COL26A1: variants seen among roughly 807,000 people sequenced by gnomAD.
The protein encoded by COL26A1 is collagen type XXVI alpha 1 chain.
Under a neutral mutation model 59.3 loss-of-function variants are expected in COL26A1, and 41 were observed. The ratio of observed to expected loss-of-function variants is 0.69; its 90% CI spans 0.54 to 0.90. The LOEUF (loss-of-function observed/expected upper bound fraction) is 0.90, where lower values mean the gene tolerates loss of function less well. COL26A1 is among the 40% of genes least tolerant of loss of function. The probability of loss-of-function intolerance (pLI) is 0.00; values close to 1 mark genes in which losing one functional copy is unlikely to be tolerated. For missense variants in COL26A1, 612 were observed against 602.3 expected, an observed-to-expected ratio of 1.02 and a Z score of -0.17; for synonymous variants, 266 against 256.0, an observed-to-expected ratio of 1.04 and a Z score of -0.37.
chr7:101,483,120 G>A (rs1323736327), intron 3 of COL26A1, among the ~76,000 whole-genome samples: 1 of 152,072 alleles, frequency 6.6e-6, no homozygotes, highest in African/African-American at 2.4e-5. Flanking sequence ...AAGGGAGCAG[G>A]GAAATGTAGG....
chr7:101,483,990 A>AGTGTGTGTGTGTGT (rs55863250), intron 3 of COL26A1, among the ~76,000 whole-genome samples: 1,853 of 127,956 alleles, frequency 0.014, 34 homozygotes, highest in African/African-American at 0.023. Context: ...AACTTTTTAA[A>AGTGTGTGTGTGTGT]GTGTGTGTGT....
chr7:101,375,758 T>C (rs13229821), intron 1 of COL26A1, among the ~76,000 whole-genome samples: 87,850 of 151,124 alleles, frequency 0.58, 27,044 homozygotes, highest in African/African-American at 0.8. Context: ...GAGGCTGAGG[T>C]GGGCAGATCA....
chr7:101,457,363 A>G (rs1473343348), intron 3 of COL26A1, among the ~76,000 whole-genome samples: 1 of 152,222 alleles, frequency 6.6e-6, no homozygotes, highest in Non-Finnish European at 1.5e-5. Context: ...TGTGTCATAA[A>G]GGATTATAGA....
At chr7:101,362,481 G>A (rs1169845830), upstream of COL26A1, among the ~76,000 whole-genome samples, 1 of 152,188 alleles carries the variant, frequency 6.6e-6, no homozygotes. Context: ...CCCTGCACAA[G>A]GATCGGAAGA....
chr7:101,372,947 A>G (rs1473861528), intron 1 of COL26A1, among the ~76,000 whole-genome samples: 2 of 152,178 alleles, frequency 1.3e-5, no homozygotes, highest in African/African-American at 4.8e-5. Flanking sequence ...GTGAACTATG[A>G]TCGTGCCACT....
chr7:101,396,046 C>T (rs971505938), intron 1 of COL26A1, among the ~76,000 whole-genome samples: 1 of 152,022 alleles, frequency 6.6e-6, no homozygotes, highest in African/African-American at 2.4e-5. Context: ...TTGCTTGAGC[C>T]CAGGAGTTTG....
intron 3 of COL26A1, among the ~76,000 whole-genome samples, chr7:101,474,422 C>A (rs1018523344): frequency 1.6e-4 from 18 of 114,548 alleles, no homozygotes; most frequent in Non-Finnish European, 2.4e-4. Flanking sequence ...TATAGCAAGA[C>A]CCCATCTCTA....
intron 1 of COL26A1, among the ~76,000 whole-genome samples, chr7:101,413,723 A>G (rs1183426077): frequency 6.6e-6 from 1 of 152,116 alleles, no homozygotes; most frequent in Non-Finnish European, 1.5e-5. Flanking sequence ...ATGCCCAGAG[A>G]TAATGCCAGT....
chr7:101,465,100 C>G (rs73398914), intron 3 of COL26A1, among the ~76,000 whole-genome samples: 1 of 143,616 alleles, frequency 7.0e-6, no homozygotes, highest in Non-Finnish European at 1.5e-5. Context: ...TGTGGTAGTG[C>G]GACGATAGCT....
intron 3 of COL26A1, among the ~76,000 whole-genome samples, chr7:101,482,947 C>T (rs939051738): frequency 5.3e-5 from 8 of 152,146 alleles, no homozygotes; most frequent in African/African-American, 1.7e-4. Flanking sequence ...ACAAGTGAGA[C>T]TCTGTCTCAA....
At chr7:101,410,132 T>C (rs1483339709) in intron 1 of COL26A1, among the ~76,000 whole-genome samples, 1 of 152,046 alleles carries the variant, frequency 6.6e-6, no homozygotes, top group Non-Finnish European at 1.5e-5. Flanking sequence ...TGGTTGGGCA[T>C]GAACTCTTAA....
intron 11 of COL26A1, among the ~76,000 whole-genome samples, chr7:101,555,568 C>G (rs1004633547): frequency 6.6e-6 from 1 of 152,088 alleles, no homozygotes; most frequent in Non-Finnish European, 1.5e-5. Flanking sequence ...TGCCTGCCCT[C>G]TCTGTGTTTC....
rs541605627 is a variant in COL26A1, at chr7:101,390,572, T to C, written c.158+27382T>C. On this transcript the variant is annotated intron_variant, in intron 1 of 12. Transcript: ENST00000313669. ...TCCTGAGTAGCTGGGACTACAGGCA[T>C]GCACTACCATGCCTGGCTACTTTTT... Among the ~76,000 whole-genome samples the C allele has an allele frequency of 3.3e-4, 51 of 152,252 alleles. 1 individual carries two copies. The South Asian group carries it at 9.9e-3, about 30-fold the overall frequency.
intron 2 of COL26A1, among the ~76,000 whole-genome samples, chr7:101,422,980 C>A (rs28625768): frequency 0.1 from 15,747 of 152,132 alleles, 1,227 homozygotes; most frequent in African/African-American, 0.22. Context: ...AACACAATAA[C>A]GCAGCCGGGC....
chr7:101,406,020 G>A (rs868796034), intron 1 of COL26A1, among the ~76,000 whole-genome samples: 6 of 152,136 alleles, frequency 3.9e-5, no homozygotes, highest in Non-Finnish European at 8.8e-5. Context: ...GGAGTAGGTC[G>A]TGCACTCCCG....
Position 101,472,252 on chromosome 7 carries a change from G to A in COL26A1, c.385+24465G>A, listed in dbSNP as rs117504737. 8.2e-3 allele frequency among the ~76,000 whole-genome samples: 1,245 copies of A among 151,160 alleles called. 17 individuals are homozygous for A. Among genetic ancestry groups the A allele is most frequent in the South Asian group, 0.051 (242 of 4,756 alleles). ...AACTCCTGAGCTCAAGCAATCTGCC[G>A]ACCTTGGCCTCCCAAAGTGCTGGGA... On this transcript the variant is annotated intron_variant, in intron 3 of 12. Coordinates refer to ENST00000313669, the MANE Select transcript of COL26A1 (RefSeq NM_001278563.3).
At chr7:101,424,252 A>G (rs746844298) in intron 2 of COL26A1, among the ~76,000 whole-genome samples, 7 of 152,056 alleles carry the variant, frequency 4.6e-5, no homozygotes, top group Non-Finnish European at 8.8e-5. Context: ...TCTCTTAGAG[A>G]AATCCCAAAT....
At chr7:101,411,267 C>T (rs1248318897) in intron 1 of COL26A1, among the ~76,000 whole-genome samples, 2 of 152,192 alleles carry the variant, frequency 1.3e-5, no homozygotes, top group Non-Finnish European at 2.9e-5. Flanking sequence ...TGGGAGTCTT[C>T]CCATAGGACG....
At chr7:101,521,470 G>A (rs13227904) in intron 3 of COL26A1, among the ~76,000 whole-genome samples, 39,004 of 151,980 alleles carry the variant, frequency 0.26, 5,146 homozygotes, top group Middle Eastern at 0.34. Context: ...AAGTGCCCTT[G>A]GGGTGGTCAA....
Sources: gnomAD v4.1 joint callset for allele counts (sites outside exome capture counted in the v4.1 genomes callset) on GRCh38, gnomAD v4.1.1 for gene constraint, MANE v1.5 for transcripts, NCBI Gene and HGNC (gene_info 2026-07-23, HGNC 2026-07-21) for gene names.